Variants in CPED1 observed in about 807,000 individuals in gnomAD.
The protein encoded by CPED1 is cadherin-like and PC-esterase domain-containing protein 1.
CPED1 carries 114 observed loss-of-function variants against 128.2 expected under a neutral mutation model. The observed-to-expected ratio is 0.89, with a 90% confidence interval of 0.76 to 1.04. The LOEUF is 1.04. Ranked by LOEUF, CPED1 falls within the 50% of genes least tolerant of loss-of-function variation. The pLI, the probability that CPED1 is intolerant of heterozygous loss-of-function variation, is 0.00. For synonymous variants in CPED1, 462 were observed against 426.7 expected (o/e 1.08, Z -1.02); for missense variants, 1,211 against 1,207.1 (o/e 1.00, Z -0.05).
At chr7:121,113,274 A>G (rs897637161) in intron 7 of CPED1, among the ~76,000 whole-genome samples, 1 of 152,188 alleles carries the variant, frequency 6.6e-6, no homozygotes, top group African/African-American at 2.4e-5. Flanking sequence ...AGAAAGACTC[A>G]AAGAGAAATA....
At chr7:121,120,502 T>C (rs142663189) in intron 7 of CPED1, among the ~76,000 whole-genome samples, 29 of 152,302 alleles carry the variant, frequency 1.9e-4, no homozygotes, top group African/African-American at 6.0e-4. Flanking sequence ...TCTGAGAAGA[T>C]GAAAAGTTCT....
In CPED1 at chr7:121,128,485, T is replaced by C. The variant is rs371818953; in HGVS notation, c.1406T>C (p.Leu469Pro). The change falls in exon 11 of 23, where the codon CTG becomes CCG. Residue 469 changes from leucine to proline, a missense_variant and splice_region_variant. Physicochemically the swap from Leu to Pro is moderately conservative, Grantham distance 98. Transcript: ENST00000310396. ...KELGSLGQFQ[L>P]LFPSTTPGIQ... is the part of the protein sequence containing the mutation. ...CTTGGAAGTCTGGGACAATTCCAAC[T>C]GGTAAAGCAAAAGTGACATTTGATT... 1.3e-6 allele frequency: 2 copies of C among 1,491,996 alleles called. No homozygotes were observed. The highest frequency in any genetic ancestry group is 1.1e-5 in the South Asian group (1 of 88,580). The allele number at this position is 1,491,996 out of a possible 1,614,324, so 92.4% of individuals were successfully genotyped here. A position where few individuals can be genotyped will look rare whatever the true frequency, so the allele number is the denominator to read the frequency against.
chr7:121,180,688 A>G (rs1796880880), intron 16 of CPED1, among the ~76,000 whole-genome samples: 1 of 152,012 alleles, frequency 6.6e-6, no homozygotes, highest in African/African-American at 2.4e-5. Context: ...AAGAGAAGAG[A>G]GAACAGGAAG....
chr7:121,077,754 A>T (rs1794169441), intron 5 of CPED1, among the ~76,000 whole-genome samples: 1 of 151,506 alleles, frequency 6.6e-6, no homozygotes. Context: ...TTTAAAATAG[A>T]TACACTTACA....
intron 16 of CPED1, among the ~76,000 whole-genome samples, chr7:121,181,560 G>A (rs1255924696): frequency 3.3e-5 from 5 of 152,032 alleles, no homozygotes; most frequent in Non-Finnish European, 5.9e-5. Flanking sequence ...ATGTCAGCAA[G>A]ATACCATAAA....
At position 121,267,309 on chromosome 7, in the gene CPED1, A is replaced by G; in HGVS notation, c.2721+7A>G. 3 of 1,528,492 alleles carry G rather than the reference A, an allele frequency of 2.0e-6. No homozygotes were observed. Among genetic ancestry groups the G allele is most frequent in the Non-Finnish European group, 1.8e-6 (2 of 1,116,698 alleles). The allele number at this position is 1,528,492 out of a possible 1,614,324, so 94.7% of individuals were successfully genotyped here. ...AGTACATTTCTTAACACAGGTAAGCACATTTCCTCTGGGCTAGGTGAATTT... is the reference window on the plus strand; with the variant it reads ...AGTACATTTCTTAACACAGGTAAGCGCATTTCCTCTGGGCTAGGTGAATTT... On this transcript the variant is annotated splice_region_variant and intron_variant, in intron 21 of 22. Coordinates refer to ENST00000310396, the MANE Select transcript of CPED1 (RefSeq NM_024913.5).
chr7:121,005,613 C>T (rs1160786890), intron 2 of CPED1, among the ~76,000 whole-genome samples: 3 of 151,780 alleles, frequency 2.0e-5, no homozygotes, highest in African/African-American at 4.8e-5. Flanking sequence ...CAAACCTGCA[C>T]GTTCTGCACA....
chr7:121,275,935 G>GT (rs1792321639), intron 22 of CPED1, among the ~76,000 whole-genome samples: 1 of 144,436 alleles, frequency 6.9e-6, no homozygotes, highest in South Asian at 2.1e-4. Context: ...AATTCATCCG[G>GT]TAAAAAAAAA....
At chr7:121,181,738 A>T (rs2116499485) in intron 16 of CPED1, among the ~76,000 whole-genome samples, 1 of 152,238 alleles carries the variant, frequency 6.6e-6, no homozygotes, top group Non-Finnish European at 1.5e-5. Flanking sequence ...AGTATGAGAA[A>T]GGTTCAATTA....
At chr7:121,069,074 TGA>T (rs1405540938) in intron 5 of CPED1, among the ~76,000 whole-genome samples, 1 of 152,108 alleles carries the variant, frequency 6.6e-6, no homozygotes, top group Non-Finnish European at 1.5e-5. Flanking sequence ...TGCTCTGGAG[TGA>T]GGCACTATCT....
chr7:121,235,521 T>G (rs1798232298), intron 16 of CPED1, among the ~76,000 whole-genome samples: 1 of 152,076 alleles, frequency 6.6e-6, no homozygotes, highest in Admixed American at 6.6e-5. Flanking sequence ...AAATTGCTGA[T>G]TAGAACCAGA....
At chr7:121,281,838 A>G (rs2116773415) in intron 22 of CPED1, among the ~76,000 whole-genome samples, 1 of 152,290 alleles carries the variant, frequency 6.6e-6, no homozygotes, top group African/African-American at 2.4e-5. Context: ...TTTTTCTTAT[A>G]AGACTTATGG....
At chr7:121,063,565 A>G (rs1355427904) in intron 4 of CPED1, among the ~76,000 whole-genome samples, 6 of 152,070 alleles carry the variant, frequency 3.9e-5, no homozygotes, top group South Asian at 2.1e-4. Flanking sequence ...AAAGTAATCA[A>G]TATCTCAAAA....
intron 16 of CPED1, among the ~76,000 whole-genome samples, chr7:121,210,012 AT>A (rs1797608135): frequency 1.3e-5 from 2 of 152,050 alleles, no homozygotes; most frequent in African/African-American, 2.4e-5. Flanking sequence ...CTGAATAGAT[AT>A]TTTTCAAAAG....
chr7:121,280,504 G>A (rs1369801137), intron 22 of CPED1, among the ~76,000 whole-genome samples: 1 of 152,128 alleles, frequency 6.6e-6, no homozygotes, highest in Non-Finnish European at 1.5e-5. Context: ...GAGGAAGGGT[G>A]GGGGACAGAC....
intron 5 of CPED1, among the ~76,000 whole-genome samples, chr7:121,079,087 C>T (rs1367164106): frequency 6.6e-6 from 1 of 152,180 alleles, no homozygotes; most frequent in Admixed American, 6.5e-5. Flanking sequence ...TTTCATTTCA[C>T]TTTAACTACC....
At chr7:121,105,998 A>G (rs925416922) in intron 7 of CPED1, among the ~76,000 whole-genome samples, 14 of 152,138 alleles carry the variant, frequency 9.2e-5, no homozygotes, top group African/African-American at 3.1e-4. Context: ...AAGCCTCAAA[A>G]AGGCAAGCAA....
chr7:121,289,123 T>C (rs1268415997), intron 22 of CPED1, among the ~76,000 whole-genome samples: 1 of 152,130 alleles, frequency 6.6e-6, no homozygotes, highest in Non-Finnish European at 1.5e-5. Context: ...CAAACTGAGC[T>C]CTAAACTACA....
chr7:121,135,991 T>A, intron 13 of CPED1, 49 bp from the exon 14 acceptor site: 1 of 1,362,888 alleles, frequency 7.3e-7, no homozygotes, highest in Non-Finnish European at 9.9e-7. Flanking sequence ...TATTTTAACA[T>A]TTTGATTAAT....
Sources: gnomAD v4.1 joint callset for allele counts (sites outside exome capture counted in the v4.1 genomes callset) on GRCh38, gnomAD v4.1.1 for gene constraint, MANE v1.5 for transcripts, NCBI Gene and HGNC (gene_info 2026-07-23, HGNC 2026-07-21) for gene names.